Variants in SPATA13 observed in about 807,000 individuals in gnomAD.
The protein encoded by SPATA13 is spermatogenesis-associated protein 13.
A neutral mutation model predicts 104.0 loss-of-function variants in SPATA13; 50 were observed. The observed-to-expected ratio is 0.48, with a 90% CI of 0.38 to 0.61. The LOEUF (loss-of-function observed/expected upper bound fraction) is 0.61, where lower values mean the gene tolerates loss of function less well. Among genes scored for constraint, SPATA13 ranks in the 20% least tolerant of loss-of-function variants. The probability of loss-of-function intolerance (pLI) is 0.00; values close to 1 mark genes in which losing one functional copy is unlikely to be tolerated. For synonymous variants in SPATA13, 606 were observed against 667.5 expected (o/e 0.91, Z 1.42); for missense variants, 1,524 against 1,690.6 (o/e 0.90, Z 1.73).
upstream of SPATA13, among the ~76,000 whole-genome samples, chr13:24,159,080 T>C (rs1882353563): frequency 6.6e-6 from 1 of 151,834 alleles, no homozygotes; most frequent in Admixed American, 6.6e-5. Context: ...CTCCTCAGAT[T>C]TGTGCTAATT....
intron 3 of SPATA13, among the ~76,000 whole-genome samples, chr13:24,044,951 G>C (rs998183162): frequency 4.6e-5 from 7 of 152,148 alleles, no homozygotes; most frequent in African/African-American, 1.7e-4. Context: ...GTTACAGTTA[G>C]ATAGGAGAAA....
At chr13:24,202,474 G>A (rs1870466208) in intron 1 of SPATA13, among the ~76,000 whole-genome samples, 1 of 149,898 alleles carries the variant, frequency 6.7e-6, no homozygotes, top group Non-Finnish European at 1.5e-5. Context: ...TCTCCAGGTT[G>A]GATGCCAGTG....
intron 1 of SPATA13, among the ~76,000 whole-genome samples, chr13:24,196,651 A>T (rs1870073207): frequency 6.6e-6 from 1 of 152,162 alleles, no homozygotes; most frequent in South Asian, 2.1e-4. Flanking sequence ...TGGGAGGATC[A>T]CTGGAGCCCA....
intron 1 of SPATA13, among the ~76,000 whole-genome samples, chr13:24,196,248 A>C: frequency 6.6e-6 from 1 of 152,176 alleles, no homozygotes; most frequent in East Asian, 1.9e-4. Context: ...GGTGGGAAGG[A>C]AGGTGTGTTC....
intron 3 of SPATA13, among the ~76,000 whole-genome samples, chr13:24,092,578 AG>A (rs1289319480): frequency 6.6e-6 from 1 of 152,222 alleles, no homozygotes; most frequent in Non-Finnish European, 1.5e-5. Flanking sequence ...GAGTACTCAA[AG>A]GCAATCAGAA....
At chr13:24,218,994 CATT>C (rs1172248844) in intron 1 of SPATA13, among the ~76,000 whole-genome samples, 2 of 120,236 alleles carry the variant, frequency 1.7e-5, no homozygotes, top group African/African-American at 6.5e-5. Flanking sequence ...TGCAAATTCT[CATT>C]ATCACCAAAA....
chr13:24,009,765 C>T (rs1876386149), intron 2 of SPATA13, among the ~76,000 whole-genome samples: 1 of 152,184 alleles, frequency 6.6e-6, no homozygotes, highest in South Asian at 2.1e-4. Flanking sequence ...GTAAATGTTT[C>T]TTATCAGACT....
rs144336209 is a variant in SPATA13 at position 24,198,133 on chromosome 13, T to C, written c.-111-24686T>C. On this transcript the variant is annotated intron_variant, in intron 1 of 12. Coordinates refer to ENST00000382108, the MANE Select transcript of SPATA13 (RefSeq NM_001166271.3). Reference sequence around the variant, plus strand: ...GCCTCAGCCTCCCGAGTAGCTGGGATTACAGGCGCCCGCCACCATGCCAGC... The same window carrying C: ...GCCTCAGCCTCCCGAGTAGCTGGGACTACAGGCGCCCGCCACCATGCCAGC... Among the ~76,000 whole-genome samples the C allele has an allele frequency of 1.7e-3, 254 of 152,188 alleles. 1 individual carries two copies. In the Middle Eastern group the frequency reaches 0.027, roughly 16 times the overall value.
At chr13:24,044,895 G>GGGTGGGGGTTGT (rs1187462501) in intron 3 of SPATA13, among the ~76,000 whole-genome samples, 1 of 125,598 alleles carries the variant, frequency 8.0e-6, no homozygotes, top group African/African-American at 2.7e-5. Context: ...GAGGGGGTGG[G>GGGTGGGGGTTGT]GGTGGGGGTA....
At chr13:24,057,057 C>CTT (rs71712571) in intron 3 of SPATA13, among the ~76,000 whole-genome samples, 1 of 135,280 alleles carries the variant, frequency 7.4e-6, no homozygotes. Flanking sequence ...CTGGCTCTTT[C>CTT]TTTTTTTTTT....
intron 2 of SPATA13, among the ~76,000 whole-genome samples, chr13:24,002,990 G>A (rs1301190497): frequency 6.6e-6 from 1 of 152,158 alleles, no homozygotes; most frequent in East Asian, 1.9e-4. Flanking sequence ...GCCATCATTT[G>A]TTCTTCTTCT....
intron 2 of SPATA13, among the ~76,000 whole-genome samples, chr13:24,232,325 G>A (rs948544119): frequency 6.6e-5 from 10 of 152,074 alleles, no homozygotes; most frequent in African/African-American, 2.4e-4. Flanking sequence ...CACCTCAAGG[G>A]ATTGCAGATG....
chr13:24,065,970 T>G (rs1490827116), intron 3 of SPATA13, among the ~76,000 whole-genome samples: 1 of 152,238 alleles, frequency 6.6e-6, no homozygotes, highest in African/African-American at 2.4e-5. Context: ...CTGAGATTGG[T>G]CTGGCCTTTC....
intron 7 of SPATA13, among the ~76,000 whole-genome samples, chr13:24,287,676 AT>A (rs1269135560): frequency 6.6e-6 from 1 of 152,172 alleles, no homozygotes; most frequent in Admixed American, 6.5e-5. Flanking sequence ...CTGGTTTTAT[AT>A]TGGTCATATG....
In SPATA13 at chr13:24,302,758, C is replaced by A; in HGVS notation, c.3819C>A (p.Thr1273=). 2 of 1,614,164 alleles carry A rather than the reference C, an allele frequency of 1.2e-6. No homozygotes were observed. Among genetic ancestry groups the A allele is most frequent in the African/African-American group, 2.7e-5 (2 of 75,038 alleles). ...TCTGGCACACCTTCAACAGGCTCACCCCCTTCCGGAAATGAAAACAGGAGG... is the reference window on the plus strand; with the variant it reads ...TCTGGCACACCTTCAACAGGCTCACACCCTTCCGGAAATGAAAACAGGAGG... ...SLFWHTFNRL[T]PFRK The change falls in exon 13 of 13, where the codon ACC becomes ACA. Residue 1273 remains threonine, a synonymous_variant. Transcript: ENST00000382108.
At chr13:24,062,997 A>T (rs183965240) in intron 3 of SPATA13, among the ~76,000 whole-genome samples, 1 of 152,244 alleles carries the variant, frequency 6.6e-6, no homozygotes, top group African/African-American at 2.4e-5. Context: ...GAGACTCAGG[A>T]CAAGGGACAC....
chr13:24,121,216 A>G (rs1881021786), intron 3 of SPATA13, among the ~76,000 whole-genome samples: 1 of 152,194 alleles, frequency 6.6e-6, no homozygotes, highest in South Asian at 2.1e-4. Flanking sequence ...AAGAGGACAC[A>G]GAGGGAGCTG....
chr13:24,166,920 T>A (rs538117906), intron 1 of SPATA13, among the ~76,000 whole-genome samples: 1 of 152,230 alleles, frequency 6.6e-6, no homozygotes, highest in Non-Finnish European at 1.5e-5. Context: ...GGTTTAAATT[T>A]CAACATCAAA....
chr13:24,073,648 T>G (rs1879237289), intron 3 of SPATA13, among the ~76,000 whole-genome samples: 1 of 152,238 alleles, frequency 6.6e-6, no homozygotes, highest in Non-Finnish European at 1.5e-5. Context: ...ATGGCATGGT[T>G]TTCTCATCAG....
Sources: gnomAD v4.1 joint callset for allele counts (sites outside exome capture counted in the v4.1 genomes callset) on GRCh38, gnomAD v4.1.1 for gene constraint, MANE v1.5 for transcripts, NCBI Gene and HGNC (gene_info 2026-07-23, HGNC 2026-07-21) for gene names.